Variants in IMMP2L observed in about 807,000 individuals in gnomAD.
IMMP2L encodes inner mitochondrial membrane peptidase subunit 2.
A neutral mutation model predicts 19.3 loss-of-function variants in IMMP2L; 18 were observed. The observed-to-expected ratio is 0.93, with a 90% confidence interval of 0.64 to 1.38. The LOEUF (loss-of-function observed/expected upper bound fraction) is 1.38, where lower values mean the gene tolerates loss of function less well. IMMP2L is among the 40% of genes most tolerant of loss of function. The pLI, the probability that IMMP2L is intolerant of heterozygous loss-of-function variation, is 0.00. For synonymous variants in IMMP2L, 76 were observed against 73.0 expected (o/e 1.04, Z -0.21); for missense variants, 233 against 218.2 (o/e 1.07, Z -0.43).
intron 3 of IMMP2L, among the ~76,000 whole-genome samples, chr7:111,003,149 TAATC>T (rs1470403514): frequency 6.6e-6 from 1 of 152,198 alleles, no homozygotes; most frequent in Non-Finnish European, 1.5e-5. Context: ...ATTGTTCACT[TAATC>T]AAAATAACTT....
intron 5 of IMMP2L, among the ~76,000 whole-genome samples, chr7:110,680,902 G>A (rs757226008): frequency 2.0e-5 from 3 of 152,054 alleles, no homozygotes; most frequent in African/African-American, 7.2e-5. Flanking sequence ...AACACCAATC[G>A]CCATCCTCCC....
chr7:110,861,503 G>A (rs1231371252), intron 5 of IMMP2L, among the ~76,000 whole-genome samples: 1 of 151,938 alleles, frequency 6.6e-6, no homozygotes, highest in African/African-American at 2.4e-5. Context: ...CTAGGCTCAA[G>A]TGATCCAGCC....
intron 3 of IMMP2L, among the ~76,000 whole-genome samples, chr7:111,018,036 A>G (rs567345792): frequency 2.0e-4 from 31 of 152,232 alleles, no homozygotes; most frequent in Non-Finnish European, 5.9e-5. Flanking sequence ...AATATACATT[A>G]TCAATCACTT....
At chr7:111,224,013 C>T (rs1464935449) in intron 3 of IMMP2L, among the ~76,000 whole-genome samples, 3 of 152,070 alleles carry the variant, frequency 2.0e-5, no homozygotes, top group East Asian at 1.9e-4. Context: ...ACACTATACA[C>T]AAGAGGAAAC....
chr7:110,677,202 T>G (rs572825756), intron 5 of IMMP2L, among the ~76,000 whole-genome samples: 1 of 152,288 alleles, frequency 6.6e-6, no homozygotes, highest in East Asian at 1.9e-4. Context: ...AGATTTCTTG[T>G]GGATGCCAGC....
At chr7:110,688,276 T>C (rs532136901) in intron 5 of IMMP2L, among the ~76,000 whole-genome samples, 37 of 152,188 alleles carry the variant, frequency 2.4e-4, no homozygotes, top group Middle Eastern at 6.8e-3. Context: ...TGTAGCTTGT[T>C]ACTTAGAAAT....
At chr7:111,148,347 T>C (rs1430496822) in intron 3 of IMMP2L, among the ~76,000 whole-genome samples, 2 of 152,212 alleles carry the variant, frequency 1.3e-5, no homozygotes, top group Middle Eastern at 6.8e-3. Flanking sequence ...CAGTGCTTGC[T>C]AGCCCTAGGG....
At chr7:111,158,730 G>T (rs1054267407) in intron 3 of IMMP2L, among the ~76,000 whole-genome samples, 3 of 152,042 alleles carry the variant, frequency 2.0e-5, no homozygotes, top group Non-Finnish European at 4.4e-5. Flanking sequence ...AACAAATGGG[G>T]TTATTTATTC....
intron 5 of IMMP2L, among the ~76,000 whole-genome samples, chr7:110,869,870 G>A (rs1808368976): frequency 6.6e-6 from 1 of 152,078 alleles, no homozygotes; most frequent in African/African-American, 2.4e-5. Context: ...CATGGAGATA[G>A]TTTTACTACT....
chr7:111,286,532 C>T (rs958419988), intron 3 of IMMP2L, among the ~76,000 whole-genome samples: 7 of 152,140 alleles, frequency 4.6e-5, no homozygotes, highest in South Asian at 4.2e-4. Flanking sequence ...GCAGAATGAA[C>T]GGATTACATA....
intron 3 of IMMP2L, among the ~76,000 whole-genome samples, chr7:111,149,263 T>G (rs564617791): frequency 3.3e-5 from 5 of 152,132 alleles, no homozygotes; most frequent in African/African-American, 9.6e-5. Flanking sequence ...TCTGAAACTG[T>G]TGAGTGACTC....
chr7:111,292,014 T>C (rs1286722945), intron 3 of IMMP2L, among the ~76,000 whole-genome samples: 3 of 152,190 alleles, frequency 2.0e-5, no homozygotes, highest in Non-Finnish European at 4.4e-5. Flanking sequence ...CCTGTCCCCC[T>C]GCAGTGAAGA....
At chr7:111,182,949 T>C (rs1807870022) in intron 3 of IMMP2L, among the ~76,000 whole-genome samples, 1 of 152,078 alleles carries the variant, frequency 6.6e-6, no homozygotes, top group Non-Finnish European at 1.5e-5. Flanking sequence ...AGACATAGAC[T>C]GGCAGTTTTC....
At position 110,924,520 on chromosome 7, in the gene IMMP2L, G is replaced by C. The variant is rs917402497; in HGVS notation, c.306-37825C>G. On this transcript the variant is annotated intron_variant, in intron 4 of 5. Coordinates refer to ENST00000405709, the MANE Select transcript of IMMP2L (RefSeq NM_032549.4). This position sits in a 1 kb window ranked among gnomAD's most constrained non-coding sequence, Gnocchi z 4.2. ...TCTCTCACTATGGGGAACTGGGCAGGCCGGTTTTAATATTAGATATTCTAA... is the reference window on the plus strand; with the variant it reads ...TCTCTCACTATGGGGAACTGGGCAGCCCGGTTTTAATATTAGATATTCTAA... Among the ~76,000 whole-genome samples, 2 of 152,084 alleles carry C rather than the reference G, an allele frequency of 1.3e-5. No individual in the cohort carries two copies. The highest frequency in any genetic ancestry group is 4.8e-5 in the African/African-American group (2 of 41,410).
intron 5 of IMMP2L, among the ~76,000 whole-genome samples, chr7:110,754,101 C>A (rs1304932691): frequency 6.6e-6 from 1 of 151,918 alleles, no homozygotes. Flanking sequence ...TTATACATTT[C>A]CATCAAATAA....
intron 5 of IMMP2L, among the ~76,000 whole-genome samples, chr7:110,812,226 A>T (rs1218058492): frequency 6.6e-6 from 1 of 152,014 alleles, no homozygotes; most frequent in East Asian, 1.9e-4. Flanking sequence ...TAAATTCTTA[A>T]TCTCTGTATT....
At chr7:111,073,041 A>G (rs1025574276) in intron 3 of IMMP2L, among the ~76,000 whole-genome samples, 3 of 152,176 alleles carry the variant, frequency 2.0e-5, no homozygotes, top group Non-Finnish European at 4.4e-5. Context: ...AATATGGAAT[A>G]TATATTAGAT....
chr7:111,021,025 T>G (rs1408196783), intron 3 of IMMP2L, among the ~76,000 whole-genome samples: 2 of 152,220 alleles, frequency 1.3e-5, no homozygotes, highest in Non-Finnish European at 2.9e-5. Context: ...TCATTTGACT[T>G]TAATTTGCCA....
intron 3 of IMMP2L, among the ~76,000 whole-genome samples, chr7:111,252,206 T>C (rs1816217221): frequency 6.6e-6 from 1 of 151,788 alleles, no homozygotes; most frequent in Non-Finnish European, 1.5e-5. Flanking sequence ...TTTCAAATGA[T>C]GCATGGAGTA....
Sources: gnomAD v4.1 joint callset for allele counts (sites outside exome capture counted in the v4.1 genomes callset) on GRCh38, gnomAD v4.1.1 for gene constraint, Gnocchi (gnomAD v3.1) non-coding constraint, MANE v1.5 for transcripts, NCBI Gene and HGNC (gene_info 2026-07-23, HGNC 2026-07-21) for gene names.